RXFP2: variants seen among roughly 807,000 people sequenced by gnomAD.
RXFP2 encodes the protein relaxin family peptide receptor 2.
A neutral mutation model predicts 88.6 loss-of-function variants in RXFP2; 68 were observed. The ratio of observed to expected loss-of-function variants is 0.77; its 90% CI spans 0.63 to 0.94. The LOEUF (loss-of-function observed/expected upper bound fraction) is 0.94. RXFP2 is among the 40% of genes least tolerant of loss of function. The probability of loss-of-function intolerance (pLI) is 0.00; values close to 1 mark genes in which losing one functional copy is unlikely to be tolerated. For missense variants in RXFP2, 791 were observed against 893.9 expected (o/e 0.88, Z 1.47); for synonymous variants, 329 against 306.8 (o/e 1.07, Z -0.76).
chr13:31,794,025 A>G (rs562908157), intron 16 of RXFP2, among the ~76,000 whole-genome samples: 2 of 152,170 alleles, frequency 1.3e-5, no homozygotes, highest in Non-Finnish European at 2.9e-5. Flanking sequence ...GACTATCAAA[A>G]GGACTGTGTA....
intron 1 of RXFP2, among the ~76,000 whole-genome samples, chr13:31,755,678 A>G (rs1244824996): frequency 6.6e-6 from 1 of 152,188 alleles, no homozygotes; most frequent in East Asian, 1.9e-4. Context: ...TTTAAAATCT[A>G]TGACACAGTA....
intron 7 of RXFP2, among the ~76,000 whole-genome samples, chr13:31,776,080 CCTTCCTTCTTTCTTTCTTTTCT>C (rs1872937696): frequency 1.0e-5 from 1 of 98,736 alleles, no homozygotes; most frequent in African/African-American, 4.0e-5. Context: ...TTCTTTCTTT[CCTTCCTTCTTTCTTTCTTTTCT>C]TTTCTTTCTT....
chr13:31,790,520 T>G (rs1346570847), intron 14 of RXFP2, among the ~76,000 whole-genome samples: 1 of 152,188 alleles, frequency 6.6e-6, no homozygotes, highest in African/African-American at 2.4e-5. Flanking sequence ...TTATTCATCA[T>G]CCACTTGCTG....
At chr13:31,748,733 T>A (rs1208766723) in intron 1 of RXFP2, among the ~76,000 whole-genome samples, 1 of 152,176 alleles carries the variant, frequency 6.6e-6, no homozygotes, top group Non-Finnish European at 1.5e-5. Context: ...TCGCCTGTAA[T>A]CCCAGCACTT....
intron 1 of RXFP2, among the ~76,000 whole-genome samples, chr13:31,754,809 G>T (rs984561352): frequency 2.6e-5 from 4 of 152,186 alleles, no homozygotes; most frequent in African/African-American, 9.7e-5. Flanking sequence ...TGGCTTTTAA[G>T]ATGGAATAAC....
chr13:31,780,413 C>T (rs530013184), intron 9 of RXFP2, among the ~76,000 whole-genome samples: 1 of 152,240 alleles, frequency 6.6e-6, no homozygotes, highest in South Asian at 2.1e-4. Context: ...TTTTCCATTC[C>T]ATTTCACAAT....
chr13:31,774,386 TG>T (rs1566226861), intron 5 of RXFP2, among the ~76,000 whole-genome samples: 1 of 152,184 alleles, frequency 6.6e-6, no homozygotes, highest in East Asian at 1.9e-4. Context: ...CACATCACAC[TG>T]GAGTTCAGCG....
Position 31,767,937 on chromosome 13 carries a change from G to A in RXFP2, c.497+1910G>A, listed in dbSNP as rs570757832. On this transcript the variant is annotated intron_variant, in intron 5 of 17. Coordinates refer to ENST00000298386, the MANE Select transcript of RXFP2 (RefSeq NM_130806.5). Reference sequence around the variant, plus strand: ...GAGTCACTAGAGGCTCAAGCAGGAGGGTTAAAATTAGACTTCTCAGGCCAC... The same window carrying A: ...GAGTCACTAGAGGCTCAAGCAGGAGAGTTAAAATTAGACTTCTCAGGCCAC... Among the ~76,000 whole-genome samples the A allele has an allele frequency of 6.6e-5, 10 of 152,214 alleles. No individual in the cohort carries two copies. The East Asian group carries it at 1.7e-3, about 26-fold the overall frequency.
At chr13:31,784,047 G>A (rs899897949) in intron 11 of RXFP2, among the ~76,000 whole-genome samples, 1 of 144,232 alleles carries the variant, frequency 6.9e-6, no homozygotes, top group African/African-American at 2.6e-5. Context: ...GGCTGGTCTT[G>A]AACTCCTGGC....
chr13:31,778,978 T>G (rs1873129496), intron 9 of RXFP2, among the ~76,000 whole-genome samples: 1 of 151,998 alleles, frequency 6.6e-6, no homozygotes, highest in African/African-American at 2.4e-5. Flanking sequence ...CTCCAGGAGG[T>G]CATTCCTGAC....
chr13:31,740,004 T>G (rs1407606863), intron 1 of RXFP2, among the ~76,000 whole-genome samples: 3 of 152,172 alleles, frequency 2.0e-5, no homozygotes, highest in Non-Finnish European at 4.4e-5. Flanking sequence ...TTTTTGGCAT[T>G]TGTTCTGAAA....
intron 1 of RXFP2, among the ~76,000 whole-genome samples, chr13:31,743,278 G>A (rs1299062129): frequency 1.3e-5 from 2 of 151,998 alleles, no homozygotes; most frequent in Non-Finnish European, 2.9e-5. Context: ...GACCAGCCTG[G>A]AAAACATGGT....
chr13:31,782,632 C>T (rs1330931322), intron 10 of RXFP2, 44 bp from the exon 11 acceptor site: 5 of 1,404,008 alleles, frequency 3.6e-6, no homozygotes, highest in East Asian at 4.6e-5. Flanking sequence ...CTGATTACTA[C>T]AGCAGACGCA....
intron 3 of RXFP2, 67 bp downstream of exon 3, chr13:31,761,868 A>G (rs1236516106): frequency 1.9e-6 from 2 of 1,048,276 alleles, no homozygotes; most frequent in African/African-American, 1.6e-5. Flanking sequence ...GCACAGATTT[A>G]TATGGGTAAT....
At chr13:31,781,819 A>G in intron 10 of RXFP2, 77 bp downstream of exon 10, 1 of 1,168,664 alleles carries the variant, frequency 8.6e-7, no homozygotes, top group Non-Finnish European at 1.3e-6. Flanking sequence ...ATTGACAAAA[A>G]ATTTTAAAGT....
intron 5 of RXFP2, among the ~76,000 whole-genome samples, chr13:31,770,628 T>C (rs1872701724): frequency 6.6e-6 from 1 of 152,218 alleles, no homozygotes; most frequent in Non-Finnish European, 1.5e-5. Context: ...GGAGGCAAAC[T>C]GAGACTTTCC....
chr13:31,774,607 T>G lies in RXFP2; in HGVS notation c.498-13T>G. On this transcript the variant is annotated splice_polypyrimidine_tract_variant and intron_variant, in intron 5 of 17. Transcript: ENST00000298386. ...ACCATAATCACCTGACTCTCTTATCTTATTCCTACCAGATTTCTTCAGCAT... is the reference window on the plus strand; with the variant it reads ...ACCATAATCACCTGACTCTCTTATCGTATTCCTACCAGATTTCTTCAGCAT... 2 of 1,414,358 alleles carry G rather than the reference T, an allele frequency of 1.4e-6. No homozygotes were observed. Among genetic ancestry groups the G allele is most frequent in the Non-Finnish European group, 2.0e-6 (2 of 998,262 alleles). The allele number at this position is 1,414,358 out of a possible 1,614,324, so 87.6% of individuals were successfully genotyped here.
chr13:31,788,897 T>C (rs1399770307), intron 13 of RXFP2, among the ~76,000 whole-genome samples: 1 of 152,196 alleles, frequency 6.6e-6, no homozygotes, highest in East Asian at 1.9e-4. Context: ...ATGAATATGT[T>C]CTATTAGAAT....
At chr13:31,746,670 G>T (rs1391053314) in intron 1 of RXFP2, among the ~76,000 whole-genome samples, 1 of 146,382 alleles carries the variant, frequency 6.8e-6, no homozygotes, top group African/African-American at 2.5e-5. Flanking sequence ...TTATAGCTCA[G>T]CCAGTAGACA....
Sources: allele counts gnomAD v4.1 joint callset (sites outside exome capture counted in the v4.1 genomes callset), GRCh38; gene constraint gnomAD v4.1.1; transcripts MANE v1.5; gene names NCBI Gene and HGNC (gene_info 2026-07-23, HGNC 2026-07-21).